Variants in TAFA2 observed in about 807,000 individuals in gnomAD.
TAFA2 encodes chemokine-like protein TAFA-2.
TAFA2 carries 7 observed loss-of-function variants against 18.8 expected under a neutral mutation model. The observed-to-expected ratio is 0.37, with a 90% CI of 0.21 to 0.70. TAFA2 has a LOEUF of 0.70. TAFA2 is among the 30% of genes least tolerant of loss of function. The pLI is 0.53. For missense variants in TAFA2, 122 were observed against 158.1 expected, an observed-to-expected ratio of 0.77 and a Z score of 1.23; for synonymous variants, 60 against 54.2, an observed-to-expected ratio of 1.11 and a Z score of -0.47.
rs570304266 is a variant in TAFA2 at position 61,763,551 on chromosome 12, G to T, written c.107-8527C>A. Among the ~76,000 whole-genome samples, 217 of 151,998 alleles carry T rather than the reference G, an allele frequency of 1.4e-3. 1 individual carries two copies. The highest frequency in any genetic ancestry group is 4.6e-3 in the African/African-American group (192 of 41,516). ...GGAATAAGTGGACCCTTTATACACT[G>T]TCCAGCAACTTCTGCTTGTAAGGCC... On this transcript the variant is annotated intron_variant, in intron 2 of 4. Coordinates refer to ENST00000416284, the MANE Select transcript of TAFA2 (RefSeq NM_178539.5).
At chr12:62,114,236 T>A (rs954761810) in intron 1 of TAFA2, among the ~76,000 whole-genome samples, 2 of 152,156 alleles carry the variant, frequency 1.3e-5, no homozygotes, top group African/African-American at 4.8e-5. Flanking sequence ...TTCCCTTGGC[T>A]AGGGGAGGGA....
At chr12:61,755,401 A>C (rs1869218479) in intron 2 of TAFA2, among the ~76,000 whole-genome samples, 1 of 152,072 alleles carries the variant, frequency 6.6e-6, no homozygotes, top group Admixed American at 6.6e-5. Context: ...CTGCAATGGG[A>C]CTGAGGCCAG....
intron 1 of TAFA2, among the ~76,000 whole-genome samples, chr12:62,034,133 T>C (rs1565723165): frequency 6.6e-6 from 1 of 152,174 alleles, no homozygotes. Context: ...ATGGATATAA[T>C]GGGTACATGA....
At chr12:61,745,807 G>A (rs1220764033) in intron 4 of TAFA2, among the ~76,000 whole-genome samples, 1 of 151,974 alleles carries the variant, frequency 6.6e-6, no homozygotes, top group Non-Finnish European at 1.5e-5. Context: ...TATCTAGGAG[G>A]ACACAATGTA....
At chr12:61,993,167 C>A (rs1305396337) in intron 1 of TAFA2, among the ~76,000 whole-genome samples, 1 of 152,184 alleles carries the variant, frequency 6.6e-6, no homozygotes, top group African/African-American at 2.4e-5. Context: ...GGGCTGATGT[C>A]CTTACCATGT....
chr12:61,972,012 T>C (rs969082790), intron 1 of TAFA2, among the ~76,000 whole-genome samples: 1 of 151,722 alleles, frequency 6.6e-6, no homozygotes, highest in Non-Finnish European at 1.5e-5. Flanking sequence ...GACCATTCAA[T>C]GTGGGAAGGA....
intron 1 of TAFA2, among the ~76,000 whole-genome samples, chr12:62,086,907 G>A (rs1348157876): frequency 1.3e-5 from 2 of 151,850 alleles, no homozygotes; most frequent in Admixed American, 6.6e-5. Context: ...ACAGATAAAT[G>A]GATAAATAAA....
chr12:61,959,956 C>A lies in TAFA2; in HGVS notation c.-1-92530G>T, dbSNP rs530307012. On this transcript the variant is annotated intron_variant, in intron 1 of 4. Coordinates refer to ENST00000416284, the MANE Select transcript of TAFA2 (RefSeq NM_178539.5). ...AGATGTGATCGTAGCATACTACAGT[C>A]TTGAACACCTGGGCTCAAAGCAGTC... is the stretch of plus-strand genomic sequence containing the variant. Among the ~76,000 whole-genome samples the A allele has an allele frequency of 6.6e-5, 10 of 151,956 alleles. No individual in the cohort carries two copies. In the East Asian group the frequency reaches 1.6e-3, roughly 24 times the overall value.
At chr12:61,956,647 A>AC (rs397820932) in intron 1 of TAFA2, among the ~76,000 whole-genome samples, 6 of 151,506 alleles carry the variant, frequency 4.0e-5, no homozygotes, top group Non-Finnish European at 8.8e-5. Context: ...AAAAAAAAAA[A>AC]CAGGTGTGAC....
intron 1 of TAFA2, among the ~76,000 whole-genome samples, chr12:62,245,089 C>T (rs1444921100): frequency 6.6e-6 from 1 of 151,990 alleles, no homozygotes; most frequent in African/African-American, 2.4e-5. Context: ...AAAGCTTTCC[C>T]TACTCAGAGT....
intron 1 of TAFA2, among the ~76,000 whole-genome samples, chr12:62,009,794 T>A (rs1880670523): frequency 6.6e-6 from 1 of 152,224 alleles, no homozygotes; most frequent in Non-Finnish European, 1.5e-5. Flanking sequence ...AGTTCTTAGA[T>A]ATGAACTCCT....
At chr12:62,233,318 T>G (rs2136985288) in intron 1 of TAFA2, among the ~76,000 whole-genome samples, 1 of 152,060 alleles carries the variant, frequency 6.6e-6, no homozygotes, top group African/African-American at 2.4e-5. Flanking sequence ...TAACCTCAAG[T>G]GATCTGCCCA....
chr12:61,744,331 C>G (rs527913749), intron 4 of TAFA2, among the ~76,000 whole-genome samples: 1 of 152,204 alleles, frequency 6.6e-6, no homozygotes, highest in Non-Finnish European at 1.5e-5. Context: ...TCAAATATTG[C>G]AGAAGCATCT....
intron 1 of TAFA2, among the ~76,000 whole-genome samples, chr12:62,093,727 T>C (rs11174312): frequency 0.057 from 8,700 of 152,106 alleles, 339 homozygotes; most frequent in South Asian, 0.091. Flanking sequence ...TACATTGCAC[T>C]CTTTATTGCC....
intron 1 of TAFA2, among the ~76,000 whole-genome samples, chr12:62,077,487 G>A (rs1868258097): frequency 6.6e-6 from 1 of 152,164 alleles, no homozygotes; most frequent in Non-Finnish European, 1.5e-5. Context: ...TAATATTGTT[G>A]GTGACAGAAC....
chr12:61,904,010 A>G (rs2121324482), intron 1 of TAFA2, among the ~76,000 whole-genome samples: 1 of 152,340 alleles, frequency 6.6e-6, no homozygotes, highest in East Asian at 1.9e-4. Context: ...AAATTACTGA[A>G]GATTTCTGTA....
chr12:61,751,589 GT>G (rs1037945156), intron 4 of TAFA2, among the ~76,000 whole-genome samples: 1 of 151,884 alleles, frequency 6.6e-6, no homozygotes, highest in African/African-American at 2.4e-5. Context: ...CCTCTATAAT[GT>G]CTTAAATAAG....
chr12:61,880,254 A>G, intron 1 of TAFA2: 1 of 479,132 alleles, frequency 2.1e-6, no homozygotes, highest in Non-Finnish European at 4.1e-6. Flanking sequence ...TCCGAGATGA[A>G]CCAGAATGTC....
chr12:62,105,847 T>C (rs1869424484), intron 1 of TAFA2, among the ~76,000 whole-genome samples: 1 of 152,204 alleles, frequency 6.6e-6, no homozygotes, highest in African/African-American at 2.4e-5. Flanking sequence ...TAATGCTTTC[T>C]GATGAGACCT....
Sources: gnomAD v4.1 joint callset for allele counts (sites outside exome capture counted in the v4.1 genomes callset) on GRCh38, gnomAD v4.1.1 for gene constraint, MANE v1.5 for transcripts, NCBI Gene and HGNC (gene_info 2026-07-23, HGNC 2026-07-21) for gene names.